The following GNAI1 variants were observed in gnomAD, a reference collection of about 807,000 sequenced individuals.
GNAI1 encodes guanine nucleotide-binding protein G(i) subunit alpha-1.
In GNAI1, 11 loss-of-function variants were observed where a neutral mutation model predicts 38.9. That is an observed-to-expected ratio of 0.28 (90% CI 0.18 to 0.47). The LOEUF is 0.47. Ranked by LOEUF, GNAI1 falls within the 20% of genes least tolerant of loss-of-function variation. The pLI, the probability that GNAI1 is intolerant of heterozygous loss-of-function variation, is 0.99. For missense variants in GNAI1, 317 were observed against 436.9 expected, an observed-to-expected ratio of 0.73 and a Z score of 2.45; for synonymous variants, 166 against 145.1, an observed-to-expected ratio of 1.14 and a Z score of -1.04.
intron 1 of GNAI1, among the ~76,000 whole-genome samples, chr7:80,164,713 C>G (rs1446290132): frequency 6.6e-6 from 1 of 152,160 alleles, no homozygotes; most frequent in African/African-American, 2.4e-5. Context: ...AATTTTATCA[C>G]TGCCTCTTTT....
At chr7:80,142,240 C>A (rs1308224817) in intron 1 of GNAI1, among the ~76,000 whole-genome samples, 3 of 152,126 alleles carry the variant, frequency 2.0e-5, no homozygotes, top group African/African-American at 7.2e-5. Context: ...TCATCAGTAT[C>A]TTATATATCA....
At chr7:80,189,064 C>CT (rs769265577) in intron 2 of GNAI1, 26 bp from the exon 3 acceptor site, 39 of 1,600,388 alleles carry the variant, frequency 2.4e-5, no homozygotes, top group Middle Eastern at 1.7e-4. Flanking sequence ...GTAAATAATT[C>CT]TTTTTTTTCC....
intron 1 of GNAI1, among the ~76,000 whole-genome samples, chr7:80,178,829 A>G (rs1305584954): frequency 1.3e-5 from 2 of 152,208 alleles, no homozygotes; most frequent in South Asian, 4.1e-4. Flanking sequence ...AGAAAACTTC[A>G]TAGAAATCGT....
At chr7:80,217,055 A>G (rs1394387172) in intron 7 of GNAI1, among the ~76,000 whole-genome samples, 1 of 152,104 alleles carries the variant, frequency 6.6e-6, no homozygotes, top group East Asian at 1.9e-4. Flanking sequence ...CATGATGAAC[A>G]CGGAATGCCA....
At chr7:80,208,504 A>T (rs1159742166) in intron 5 of GNAI1, among the ~76,000 whole-genome samples, 1 of 152,178 alleles carries the variant, frequency 6.6e-6, no homozygotes. Context: ...CTTCTGGATT[A>T]ATTGACTTGG....
chr7:80,159,270 G>A (rs534114993), intron 1 of GNAI1, among the ~76,000 whole-genome samples: 1 of 152,192 alleles, frequency 6.6e-6, no homozygotes, highest in Non-Finnish European at 1.5e-5. Context: ...GTCCAGATGG[G>A]CTGGGCTAAG....
chr7:80,197,058 T>G (rs550379292), intron 3 of GNAI1, among the ~76,000 whole-genome samples: 2 of 151,942 alleles, frequency 1.3e-5, no homozygotes, highest in African/African-American at 4.8e-5. Flanking sequence ...TTTGTATTCT[T>G]TCAATATGTC....
rs1246188880 is a variant in GNAI1 at position 80,224,835 on chromosome 7, T to G, written c.*7342T>G. Among the ~76,000 whole-genome samples the G allele has an allele frequency of 6.6e-6, 1 of 152,226 alleles. No homozygotes were observed. The highest frequency in any genetic ancestry group is 1.5e-5 in the Non-Finnish European group (1 of 68,036). On this transcript the variant is annotated 3_prime_UTR_variant, in exon 8 of 8. Coordinates refer to ENST00000649796, the MANE Select transcript of GNAI1 (RefSeq NM_002069.6). The stretch of plus-strand genomic sequence containing the variant: ...AGAATTTAAAAATTACATGTTGAAC[T>G]GATTTGTGATATATTGGGTTATATA...
intron 1 of GNAI1, among the ~76,000 whole-genome samples, chr7:80,148,529 A>G (rs1028987690): frequency 1.2e-5 from 1 of 80,902 alleles, no homozygotes; most frequent in African/African-American, 3.7e-5. Flanking sequence ...TTATTTTAAA[A>G]TTAAAAAAAA....
chr7:80,183,344 T>C (rs1191064451), intron 1 of GNAI1, among the ~76,000 whole-genome samples: 1 of 152,230 alleles, frequency 6.6e-6, no homozygotes, highest in Non-Finnish European at 1.5e-5. Flanking sequence ...AATCTTACAG[T>C]AGCATTATAA....
rs79296824 is a variant in GNAI1 at position 80,219,168 on chromosome 7, T to C, written c.*1675T>C. On this transcript the variant is annotated 3_prime_UTR_variant, in exon 8 of 8. Coordinates refer to ENST00000649796, the MANE Select transcript of GNAI1 (RefSeq NM_002069.6). ...CTTAAATGTGTTAGTTTAGATTCTT[T>C]ATGTGCCTTTCATGAAAGATATGTT... The C allele has an allele frequency of 9.2e-5, 14 of 152,684 alleles. No individual in the cohort carries two copies. In the East Asian group the frequency reaches 2.7e-3, roughly 29 times the overall value. 9.5% of individuals were successfully genotyped at this position (152,684 alleles called of 1,614,324 possible).
chr7:80,152,884 A>G lies in GNAI1; in HGVS notation c.118+17606A>G, dbSNP rs150534118. Among the ~76,000 whole-genome samples the G allele has an allele frequency of 8.4e-3, 1,270 of 152,078 alleles. 26 individuals carry two copies. Among genetic ancestry groups the G allele is most frequent in the African/African-American group, 0.029 (1,187 of 41,488 alleles). On this transcript the variant is annotated intron_variant, in intron 1 of 7. Transcript: ENST00000649796. ...CTGCACCCGGCCAGATTCAGTCTCA[A>G]TTCTTAAACACCTGCATTATTTATG... is the stretch of plus-strand genomic sequence containing the variant.
At chr7:80,158,504 C>T (rs1355703659) in intron 1 of GNAI1, among the ~76,000 whole-genome samples, 4 of 152,212 alleles carry the variant, frequency 2.6e-5, no homozygotes, top group African/African-American at 7.2e-5. Context: ...TTCTTACGAT[C>T]GTGATTTCAC....
chr7:80,205,367 C>T (rs1405570321), intron 5 of GNAI1, among the ~76,000 whole-genome samples: 4 of 151,850 alleles, frequency 2.6e-5, no homozygotes, highest in Non-Finnish European at 5.9e-5. Flanking sequence ...GGAAGATTGC[C>T]ACTGCAGTCA....
chr7:80,173,138 C>T (rs987457230), intron 1 of GNAI1, among the ~76,000 whole-genome samples: 1 of 152,156 alleles, frequency 6.6e-6, no homozygotes, highest in Non-Finnish European at 1.5e-5. Context: ...GACACCTCCT[C>T]CACTTCCCGT....
rs141983086 is a variant in GNAI1 at position 80,157,867 on chromosome 7, C to T, written c.118+22589C>T. On this transcript the variant is annotated intron_variant, in intron 1 of 7. Transcript: ENST00000649796. ...GATTACAGACACTCACCAAAACACC[C>T]GGCTAATTTTTTTGTATTTTTAGTA... Among the ~76,000 whole-genome samples, 959 of 152,128 alleles carry T rather than the reference C, an allele frequency of 6.3e-3. 5 individuals carry two copies. The highest frequency in any genetic ancestry group is 8.7e-3 in the Non-Finnish European group (594 of 67,984).
intron 1 of GNAI1, among the ~76,000 whole-genome samples, chr7:80,152,482 G>A (rs1038775464): frequency 1.7e-4 from 26 of 151,420 alleles, no homozygotes; most frequent in African/African-American, 5.1e-4. Flanking sequence ...GAAATAGGTC[G>A]ATGTTTTGTT....
chr7:80,180,885 T>G (rs1422030901), intron 1 of GNAI1, among the ~76,000 whole-genome samples: 4 of 152,148 alleles, frequency 2.6e-5, no homozygotes, highest in African/African-American at 9.7e-5. Context: ...TGTCCTGGTC[T>G]TCATTCAGTG....
chr7:80,156,189 C>T (rs1219645399), intron 1 of GNAI1, among the ~76,000 whole-genome samples: 1 of 152,042 alleles, frequency 6.6e-6, no homozygotes, highest in Non-Finnish European at 1.5e-5. Flanking sequence ...TTTGCATAAT[C>T]TTCTCACTTT....
Sources: gnomAD v4.1 joint callset for allele counts (sites outside exome capture counted in the v4.1 genomes callset) on GRCh38, gnomAD v4.1.1 for gene constraint, MANE v1.5 for transcripts, NCBI Gene and HGNC (gene_info 2026-07-23, HGNC 2026-07-21) for gene names.